Variants in ARHGAP12 observed in about 807,000 individuals in gnomAD.
The protein encoded by ARHGAP12 is rho GTPase-activating protein 12.
Under a neutral mutation model 108.6 loss-of-function variants are expected in ARHGAP12, and 64 were observed. The observed-to-expected ratio is 0.59, with a 90% CI of 0.48 to 0.73. The LOEUF (loss-of-function observed/expected upper bound fraction) is 0.73, where lower values mean the gene tolerates loss of function less well. ARHGAP12 is among the 30% of genes least tolerant of loss of function. ARHGAP12 has a pLI of 0.00. For synonymous variants in ARHGAP12, 312 were observed against 337.2 expected (o/e 0.93, Z 0.82); for missense variants, 940 against 1,005.9 (o/e 0.93, Z 0.89).
At chr10:31,879,433 C>G (rs915875196) in intron 3 of ARHGAP12, among the ~76,000 whole-genome samples, 37 of 152,168 alleles carry the variant, frequency 2.4e-4, no homozygotes, top group African/African-American at 5.5e-4. Flanking sequence ...TCTTGTTTAA[C>G]TATGGATATG....
chr10:31,814,215 G>A, intron 14 of ARHGAP12, 44 bp downstream of exon 14: 4 of 1,483,132 alleles, frequency 2.7e-6, no homozygotes, highest in Non-Finnish European at 3.8e-6. Context: ...AAAGCTAAGA[G>A]AACAAGCACA....
chr10:31,888,128 C>T (rs1269810760), intron 3 of ARHGAP12, among the ~76,000 whole-genome samples: 2 of 152,264 alleles, frequency 1.3e-5, no homozygotes, highest in South Asian at 2.1e-4. Context: ...AATACATATA[C>T]GTGGGAAGAC....
Position 31,812,723 on chromosome 10 carries a change from T to C in ARHGAP12, c.1935A>G (p.Glu645=), listed in dbSNP as rs1835066177. The C allele has an allele frequency of 6.2e-7, 1 of 1,604,368 alleles. No homozygotes were observed. The highest frequency in any genetic ancestry group is 1.3e-5 in the African/African-American group (1 of 74,622). The change falls in exon 15 of 20, where the codon GAA becomes GAG. Residue 645 remains glutamate (E), a synonymous_variant. Transcript: ENST00000344936. ...CCTACCAACCTTTAATATAACCTTT[T>C]TCACGAACAGCTTGCAAAGTGGGGC... The part of the protein sequence containing the change: ...TRRPTLQAVR[E]KGYIKDQVFG...
chr10:31,861,481 T>C lies in ARHGAP12; in HGVS notation c.862A>G (p.Thr288Ala), dbSNP rs941515043. The change falls in exon 4 of 20, where the codon ACA (threonine) becomes GCA (alanine). Residue 288 changes from threonine to alanine, a missense_variant. Physicochemically the swap from Thr to Ala is moderately conservative, Grantham distance 58. Coordinates refer to ENST00000344936, the MANE Select transcript of ARHGAP12 (RefSeq NM_018287.7). ...GGAGGTTTCCAAGTTCTTTCCTGTG[T>C]CCCTCTGTTATAGTAATAGCAACGC... ...SGRCYYYNRG[T>A]QERTWKPPRW... 6.2e-7 allele frequency: 1 copy of C among 1,614,178 alleles called. No individual in the cohort carries two copies. The highest frequency in any genetic ancestry group is 8.5e-7 in the Non-Finnish European group (1 of 1,180,012).
At chr10:31,877,700 CAT>C (rs1837783672) in intron 3 of ARHGAP12, among the ~76,000 whole-genome samples, 1 of 152,222 alleles carries the variant, frequency 6.6e-6, no homozygotes, top group African/African-American at 2.4e-5. Flanking sequence ...ATACCATCCA[CAT>C]GACATGGGTG....
chr10:31,901,427 G>A (rs1220456604), intron 3 of ARHGAP12, among the ~76,000 whole-genome samples: 2 of 150,656 alleles, frequency 1.3e-5, no homozygotes, highest in Non-Finnish European at 2.9e-5. Context: ...AGCTACTCGG[G>A]AAGCTGAGAC....
At chr10:31,811,159 T>C (rs1189265031) in intron 15 of ARHGAP12, among the ~76,000 whole-genome samples, 1 of 152,210 alleles carries the variant, frequency 6.6e-6, no homozygotes, top group East Asian at 1.9e-4. Flanking sequence ...TATTTCACAT[T>C]ATCTTGTCTA....
At chr10:31,906,747 T>G (rs991864458) in intron 3 of ARHGAP12, among the ~76,000 whole-genome samples, 7 of 152,132 alleles carry the variant, frequency 4.6e-5, no homozygotes, top group African/African-American at 1.7e-4. Context: ...GCAGTGAACT[T>G]AAGATGACTG....
chr10:31,839,770 C>G, intron 7 of ARHGAP12, 59 bp from the exon 8 acceptor site: 1 of 1,391,744 alleles, frequency 7.2e-7, no homozygotes, highest in Non-Finnish European at 9.9e-7. Flanking sequence ...ATTTCTGCCT[C>G]TACTCACAGT....
In ARHGAP12 at chr10:31,854,141, A is replaced by G. The variant is rs1836799246; in HGVS notation, c.1014T>C (p.Ser338=). Residue 338 remains serine (S), a synonymous_variant, in exon 5 of 20, where the codon TCT becomes TCC. Transcript: ENST00000344936. The part of the protein sequence containing the change: ...SYSQSDSQCG[S]PPRGWSEELD... ...ACTCTTCTGACCAACCCCTTGGAGG[A>G]GAACCACACTGACTATCTGACTGGC... The G allele has an allele frequency of 6.2e-7, 1 of 1,613,824 alleles. No individual in the cohort carries two copies. The highest frequency in any genetic ancestry group is 1.3e-5 in the African/African-American group (1 of 74,930).
intron 3 of ARHGAP12, among the ~76,000 whole-genome samples, chr10:31,887,672 T>G (rs1001583157): frequency 4.6e-5 from 7 of 151,000 alleles, no homozygotes; most frequent in African/African-American, 7.3e-5. Flanking sequence ...TTTTTTTTTT[T>G]TTTGAGATGG....
At chr10:31,864,231 C>A (rs559665901) in intron 3 of ARHGAP12, among the ~76,000 whole-genome samples, 1 of 152,022 alleles carries the variant, frequency 6.6e-6, no homozygotes, top group Admixed American at 6.6e-5. Context: ...CATGAATTGG[C>A]CAGATTTTTG....
chr10:31,846,050 T>C (rs1368684737), intron 6 of ARHGAP12, among the ~76,000 whole-genome samples: 1 of 152,190 alleles, frequency 6.6e-6, no homozygotes, highest in Non-Finnish European at 1.5e-5. Flanking sequence ...CTCGTTATAC[T>C]TTTTTAGTGC....
At chr10:31,816,217 A>G (rs1306065839) in intron 13 of ARHGAP12, among the ~76,000 whole-genome samples, 2 of 111,550 alleles carry the variant, frequency 1.8e-5, no homozygotes, top group Middle Eastern at 5.0e-3. Flanking sequence ...GTGTAAAATC[A>G]TCTCTCTTCA....
At chr10:31,825,833 G>T (rs1006101463) in intron 11 of ARHGAP12, among the ~76,000 whole-genome samples, 1 of 152,114 alleles carries the variant, frequency 6.6e-6, no homozygotes, top group African/African-American at 2.4e-5. Context: ...CACAAGTAAT[G>T]TGACATTTCT....
chr10:31,810,827 C>T, intron 15 of ARHGAP12, 80 bp from the exon 16 acceptor site: 3 of 1,012,926 alleles, frequency 3.0e-6, no homozygotes, highest in Non-Finnish European at 4.6e-6. Flanking sequence ...CAGAGTGCAA[C>T]AGAAACATCC....
chr10:31,897,582 C>T (rs1473470732), intron 3 of ARHGAP12, among the ~76,000 whole-genome samples: 1 of 152,090 alleles, frequency 6.6e-6, no homozygotes, highest in Non-Finnish European at 1.5e-5. Flanking sequence ...GAGACAAACA[C>T]TGATGTCTGA....
chr10:31,816,190 T>TGTGTGC (rs781350661), intron 13 of ARHGAP12, among the ~76,000 whole-genome samples: 37 of 151,472 alleles, frequency 2.4e-4, no homozygotes, highest in Non-Finnish European at 4.0e-4. Context: ...TGTGTGTGTG[T>TGTGTGC]GTGTGTGTGT....
At position 31,807,604 on chromosome 10, in the gene ARHGAP12, A is replaced by T. The variant is rs1243410299; in HGVS notation, c.*54T>A. Reference sequence around the variant, plus strand: ...AAAATAAAATACATTGTGTATAAACATTTGAAATCTGATGGAATCCAGCTT... The same window carrying T: ...AAAATAAAATACATTGTGTATAAACTTTTGAAATCTGATGGAATCCAGCTT... On this transcript the variant is annotated 3_prime_UTR_variant, in exon 20 of 20. Transcript: ENST00000344936. The T allele has an allele frequency of 1.3e-6, 2 of 1,531,998 alleles. No homozygotes were observed. The highest frequency in any genetic ancestry group is 2.2e-5 in the Admixed American group (1 of 45,164). The allele number at this position is 1,531,998 out of a possible 1,614,324, so 94.9% of individuals were successfully genotyped here. A position where few individuals can be genotyped will look rare whatever the true frequency, so the allele number is the denominator to read the frequency against.
Sources: gnomAD v4.1 joint callset for allele counts (sites outside exome capture counted in the v4.1 genomes callset) on GRCh38, gnomAD v4.1.1 for gene constraint, MANE v1.5 for transcripts, NCBI Gene and HGNC (gene_info 2026-07-23, HGNC 2026-07-21) for gene names.